Variants in BRF1 observed in about 807,000 individuals in gnomAD.
BRF1 encodes transcription factor IIIB 90 kDa subunit.
A neutral mutation model predicts 81.7 loss-of-function variants in BRF1; 59 were observed. The ratio of observed to expected loss-of-function variants is 0.72; its 90% CI spans 0.59 to 0.90. The LOEUF (loss-of-function observed/expected upper bound fraction) is 0.90. Ranked by LOEUF, BRF1 falls within the 40% of genes least tolerant of loss-of-function variation. BRF1 has a pLI of 0.00. For synonymous variants in BRF1, 491 were observed against 395.6 expected, an observed-to-expected ratio of 1.24 and a Z score of -2.86; for missense variants, 1,050 against 936.3, an observed-to-expected ratio of 1.12 and a Z score of -1.58.
intron 11 of BRF1, 114 bp from the exon 12 acceptor site, chr14:105,220,244 C>G: frequency 8.6e-7 from 1 of 1,158,508 alleles, no homozygotes; most frequent in Non-Finnish European, 1.3e-6. Flanking sequence ...TTCTAGAACC[C>G]CGTCCCCTCC....
intron 5 of BRF1, chr14:105,247,396 T>C (rs2055193709): frequency 1.0e-6 from 1 of 985,416 alleles, no homozygotes; most frequent in Non-Finnish European, 1.2e-6. Context: ...GAAATGATGA[T>C]TTGTGCACTC....
At chr14:105,257,865 T>C (rs896368790) in intron 3 of BRF1, among the ~76,000 whole-genome samples, 1 of 151,816 alleles carries the variant, frequency 6.6e-6, no homozygotes, top group Non-Finnish European at 1.5e-5. Context: ...CAGCATTAGG[T>C]CAGTGGCCAC....
chr14:105,272,913 C>T lies in BRF1; in HGVS notation c.266-19G>A. On this transcript the variant is annotated intron_variant, in intron 2 of 17. Transcript: ENST00000547530. ...CGCCTCCCTAGGACACAGCACGAGG[C>T]AGCTCTTAGCCAAATGTTCCCACAG... The T allele has an allele frequency of 6.4e-7, 1 of 1,565,362 alleles. No homozygotes were observed. Among genetic ancestry groups the T allele is most frequent in the Non-Finnish European group, 8.7e-7 (1 of 1,149,646 alleles).
rs749355181 is a variant in BRF1, at chr14:105,249,612, C to T, written c.544+2895G>A. ...CCCGCGATGGGTGCTTGGGAGCCAGCCCCTGACGCGGGCCCTGCCTCGCCT... is the reference window on the plus strand; with the variant it reads ...CCCGCGATGGGTGCTTGGGAGCCAGTCCCTGACGCGGGCCCTGCCTCGCCT... On this transcript the variant is annotated intron_variant, in intron 5 of 17. Transcript: ENST00000547530. 10 of 1,591,136 alleles carry T rather than the reference C, an allele frequency of 6.3e-6. No homozygotes were observed. The South Asian group carries it at 9.1e-5, about 14-fold the overall frequency.
In BRF1 at chr14:105,210,035, C is replaced by A; in HGVS notation, c.*516G>T. 1 of 230,870 alleles carries A rather than the reference C, an allele frequency of 4.3e-6. No homozygotes were observed. The highest frequency in any genetic ancestry group is 8.4e-6 in the Non-Finnish European group (1 of 118,386). 14.3% of individuals were successfully genotyped at this position (230,870 alleles called of 1,614,324 possible). On this transcript the variant is annotated 3_prime_UTR_variant, in exon 18 of 18. Coordinates refer to ENST00000547530, the MANE Select transcript of BRF1 (RefSeq NM_001519.4). This position sits in a 1 kb window ranked among gnomAD's most constrained non-coding sequence, Gnocchi z 4.7. The stretch of plus-strand genomic sequence containing the variant: ...TGCTGCCTCTCAAGTGCCAGATCCT[C>A]AGCTCCCACGGCTGCGCCGGACACC...
chr14:105,213,361 C>T (rs370834737), intron 15 of BRF1: 4 of 151,936 alleles, frequency 2.6e-5, no homozygotes, highest in African/African-American at 9.7e-5. Context: ...GCCAGCAGGC[C>T]CCCATTGAGA....
At chr14:105,307,981 G>C (rs1306599833) in intron 1 of BRF1, among the ~76,000 whole-genome samples, 3 of 152,080 alleles carry the variant, frequency 2.0e-5, no homozygotes, top group African/African-American at 4.8e-5. Context: ...CCAGGAGTTC[G>C]AGACCAGCCT....
intron 15 of BRF1, chr14:105,212,780 G>A (rs934398364): frequency 6.5e-6 from 1 of 152,906 alleles, no homozygotes; most frequent in Non-Finnish European, 1.5e-5. Context: ...AGGGCCTGTG[G>A]GGAAGGACGC....
chr14:105,219,237 G>C lies in BRF1; in HGVS notation c.1378-5C>G. On this transcript the variant is annotated splice_polypyrimidine_tract_variant and splice_region_variant and intron_variant, in intron 12 of 17. Transcript: ENST00000547530. The stretch of plus-strand genomic sequence containing the variant: ...TTCCGACTCATTCAGGATGTACTGG[G>C]CGAGCACAGGGAAGTGGGGCTGGCT... 1 of 1,610,830 alleles carries C rather than the reference G, an allele frequency of 6.2e-7. No homozygotes were observed. The highest frequency in any genetic ancestry group is 8.5e-7 in the Non-Finnish European group (1 of 1,177,608).
rs777353185 is a variant in BRF1 at position 105,217,597 on chromosome 14, CCTT to C, written c.1716_1718del (p.Arg574del). 10 of 1,613,504 alleles carry C rather than the reference CCTT, an allele frequency of 6.2e-6. No individual in the cohort carries two copies. In the East Asian group the frequency reaches 1.8e-4, roughly 29 times the overall value. On this transcript the variant is annotated inframe_deletion, in exon 15 of 18. Transcript: ENST00000547530. ...CCCCACTTCTGCTGGCCGGCGTCCT[CCTT>C]CGTGACAGCTTCCTGGCACTGGCGC...
chr14:105,295,537 G>A (rs1220969850), intron 1 of BRF1, among the ~76,000 whole-genome samples: 1 of 151,938 alleles, frequency 6.6e-6, no homozygotes, highest in Non-Finnish European at 1.5e-5. Context: ...GAGCCCAGGG[G>A]GTTACGACTG....
At chr14:105,292,926 G>A (rs1042508958) in intron 1 of BRF1, among the ~76,000 whole-genome samples, 2 of 152,220 alleles carry the variant, frequency 1.3e-5, no homozygotes, top group Non-Finnish European at 2.9e-5. Context: ...CCACTGCGGA[G>A]GAGCTGGTTT....
chr14:105,211,164 C>G lies in BRF1; in HGVS notation c.1954G>C (p.Gly652Arg), dbSNP rs202049411. The change falls in exon 17 of 18, where the codon GGG (glycine) becomes CGG (arginine). Residue 652 changes from glycine (G) to arginine (R), a missense_variant. This residue lies in a region of BRF1 where 1,043 missense variants were observed against 915.4 expected (regional missense o/e 1.14). Transcript: ENST00000547530. The stretch of plus-strand genomic sequence containing the variant: ...TGCAGGGCACTGACGCAGGGCTCCC[C>G]GTCCTCCTCGTCAGGCTCCTCCTCG... ...ADEEEPDEEDGEPCVSALQMM... is the reference protein window; with the variant it reads ...ADEEEPDEEDREPCVSALQMM... 173 of 1,612,522 alleles carry G rather than the reference C, an allele frequency of 1.1e-4. No individual in the cohort carries two copies. Among genetic ancestry groups the G allele is most frequent in the Non-Finnish European group, 1.4e-4 (165 of 1,179,932 alleles).
At chr14:105,278,805 G>A (rs1280648551) in intron 2 of BRF1, among the ~76,000 whole-genome samples, 1 of 152,146 alleles carries the variant, frequency 6.6e-6, no homozygotes, top group Admixed American at 6.6e-5. Flanking sequence ...AACACTTTGG[G>A]AGGCCGAGGC....
At chr14:105,247,881 G>A in intron 5 of BRF1, 14 of 985,636 alleles carry the variant, frequency 1.4e-5, no homozygotes, top group Non-Finnish European at 1.7e-5. Context: ...AGTGCCCCAT[G>A]CCACGCACCT....
In BRF1 at chr14:105,217,591, C is replaced by T. The variant is rs200471626; in HGVS notation, c.1725G>A (p.Thr575=). 101 of 1,613,436 alleles carry T rather than the reference C, an allele frequency of 6.3e-5. No homozygotes were observed. Among genetic ancestry groups the T allele is most frequent in the Non-Finnish European group, 7.8e-5 (92 of 1,180,000 alleles). The change falls in exon 15 of 18, where the codon ACG becomes ACA. Residue 575 remains threonine (T), a synonymous_variant. Transcript: ENST00000547530. ...GGTCAGCCCCACTTCTGCTGGCCGGCGTCCTCCTTCGTGACAGCTTCCTGG... is the reference window on the plus strand; with the variant it reads ...GGTCAGCCCCACTTCTGCTGGCCGGTGTCCTCCTTCGTGACAGCTTCCTGG... ...ASARKLSRRR[T]PASRSGADPV... is the part of the protein sequence containing the mutation.
At chr14:105,216,223 CAG>C (rs1891274023) in intron 15 of BRF1, among the ~76,000 whole-genome samples, 1 of 152,202 alleles carries the variant, frequency 6.6e-6, no homozygotes, top group South Asian at 2.1e-4. Flanking sequence ...TCAGATGTGA[CAG>C]AGGGGGCTGT....
At chr14:105,251,003 G>A in intron 5 of BRF1, 1 of 304,696 alleles carries the variant, frequency 3.3e-6, no homozygotes, top group East Asian at 6.2e-5. Context: ...GTGGTTCCAA[G>A]CTTAACTTGA....
intron 5 of BRF1, among the ~76,000 whole-genome samples, chr14:105,243,307 G>T (rs999706366): frequency 6.6e-6 from 1 of 151,286 alleles, no homozygotes; most frequent in Non-Finnish European, 1.5e-5. Context: ...AAAATTAGCC[G>T]GGTGTGGTGG....
Sources: allele counts gnomAD v4.1 joint callset (sites outside exome capture counted in the v4.1 genomes callset), GRCh38; gene constraint gnomAD v4.1.1; regional missense constraint gnomAD v4.1.1; non-coding constraint Gnocchi (gnomAD v3.1); transcripts MANE v1.5; gene names NCBI Gene and HGNC (gene_info 2026-07-23, HGNC 2026-07-21).